MYT1L: variants seen among roughly 807,000 people sequenced by gnomAD.
MYT1L encodes the protein myelin transcription factor 1-like protein.
MYT1L carries 12 observed loss-of-function variants against 126.7 expected under a neutral mutation model. That is an observed-to-expected ratio of 0.09 (90% CI 0.06 to 0.15). The LOEUF is 0.15. Ranked by LOEUF, MYT1L falls within the 10% of genes least tolerant of loss-of-function variation. The probability of loss-of-function intolerance (pLI) is 1.00; values close to 1 mark genes in which losing one functional copy is unlikely to be tolerated. For missense variants in MYT1L, 979 were observed against 1,585.2 expected (o/e 0.62, Z 6.49); for synonymous variants, 541 against 604.2 (o/e 0.90, Z 1.53).
At chr2:2,052,217 C>T (rs1010787842) in intron 4 of MYT1L, among the ~76,000 whole-genome samples, 2 of 152,312 alleles carry the variant, frequency 1.3e-5, no homozygotes, top group East Asian at 1.9e-4. Flanking sequence ...TTTCAACACA[C>T]AGAGTATACC....
At chr2:1,873,697 T>G (rs2046528758) in intron 18 of MYT1L, among the ~76,000 whole-genome samples, 1 of 152,132 alleles carries the variant, frequency 6.6e-6, no homozygotes. Context: ...TGGGGAGCGC[T>G]CAGAGAGCTC....
chr2:2,192,202 A>G (rs1408002212), intron 2 of MYT1L, among the ~76,000 whole-genome samples: 1 of 152,232 alleles, frequency 6.6e-6, no homozygotes, highest in Admixed American at 6.5e-5. Flanking sequence ...ATACACTGTA[A>G]ATATAGTTCA....
intron 19 of MYT1L, among the ~76,000 whole-genome samples, chr2:1,843,549 G>A (rs1433846253): frequency 6.6e-6 from 1 of 151,492 alleles, no homozygotes; most frequent in Non-Finnish European, 1.5e-5. Context: ...GGAGAATTAC[G>A]GAGTCCTACC....
At chr2:2,046,727 G>C (rs559470045) in intron 4 of MYT1L, among the ~76,000 whole-genome samples, 1 of 152,274 alleles carries the variant, frequency 6.6e-6, no homozygotes, top group African/African-American at 2.4e-5. Context: ...ATGCTACTTT[G>C]CTCTCCTGTG....
chr2:2,155,841 G>A (rs1439299949), intron 3 of MYT1L, among the ~76,000 whole-genome samples: 4 of 152,104 alleles, frequency 2.6e-5, no homozygotes, highest in Non-Finnish European at 5.9e-5. Flanking sequence ...CTCCTGTCAT[G>A]AGAGTTGGTT....
In MYT1L at chr2:2,060,768, C is replaced by G. The variant is rs528182187; in HGVS notation, c.-303-6645G>C. Among the ~76,000 whole-genome samples the G allele has an allele frequency of 1.2e-4, 17 of 143,294 alleles. No individual in the cohort carries two copies. The South Asian group carries it at 4.0e-3, about 34-fold the overall frequency. 94.0% of individuals were successfully genotyped at this position (143,294 alleles called of 152,430 possible). On this transcript the variant is annotated intron_variant, in intron 3 of 24. Transcript: ENST00000647738. ...CCATCTTTGCCCACTTCCTCTCTCC[C>G]TCCCTCTCTATTCTTCCTTTCCTTT...
chr2:1,808,423 T>C (rs1229890798), intron 22 of MYT1L, among the ~76,000 whole-genome samples: 1 of 152,178 alleles, frequency 6.6e-6, no homozygotes, highest in East Asian at 1.9e-4. Context: ...ACTGAGATCA[T>C]TGCCTGCGTC....
intron 1 of MYT1L, among the ~76,000 whole-genome samples, chr2:2,285,341 T>G (rs755320788): frequency 6.6e-6 from 1 of 152,144 alleles, no homozygotes; most frequent in Non-Finnish European, 1.5e-5. Flanking sequence ...TAAGAGGTGT[T>G]TAAAAAACAG....
intron 3 of MYT1L, among the ~76,000 whole-genome samples, chr2:2,124,799 A>G (rs948403521): frequency 6.6e-6 from 1 of 152,162 alleles, no homozygotes; most frequent in South Asian, 2.1e-4. Context: ...TGTTTGAAGT[A>G]TGGCCAGACA....
At chr2:2,152,849 G>A (rs1277508152) in intron 3 of MYT1L, among the ~76,000 whole-genome samples, 2 of 152,180 alleles carry the variant, frequency 1.3e-5, no homozygotes, top group Admixed American at 1.3e-4. Context: ...CCATGCCAGG[G>A]ATGAGGGTGT....
chr2:2,135,418 A>G (rs1028778177), intron 3 of MYT1L, among the ~76,000 whole-genome samples: 2 of 151,922 alleles, frequency 1.3e-5, no homozygotes, highest in Admixed American at 1.3e-4. Context: ...AGTCCATTAA[A>G]CCTCTTTCCT....
intron 2 of MYT1L, among the ~76,000 whole-genome samples, chr2:2,233,366 G>A (rs1354970045): frequency 6.6e-6 from 1 of 152,176 alleles, no homozygotes; most frequent in Non-Finnish European, 1.5e-5. Flanking sequence ...TCTCATCTCA[G>A]TCCTGGAGAC....
chr2:2,056,892 T>C (rs1436274798), intron 3 of MYT1L, among the ~76,000 whole-genome samples: 1 of 152,232 alleles, frequency 6.6e-6, no homozygotes, highest in Non-Finnish European at 1.5e-5. Context: ...GAGTGGGTTT[T>C]TCTTTACGGC....
intron 21 of MYT1L, among the ~76,000 whole-genome samples, chr2:1,809,417 C>T (rs947854720): frequency 4.4e-5 from 5 of 113,052 alleles, no homozygotes; most frequent in Admixed American, 2.9e-4. Flanking sequence ...TGCCTCTTGG[C>T]GGGGGGTCTT....
chr2:2,095,379 ATTG>A (rs907793028), intron 3 of MYT1L, among the ~76,000 whole-genome samples: 4 of 152,344 alleles, frequency 2.6e-5, no homozygotes, highest in African/African-American at 9.6e-5. Context: ...CAGTATGGGC[ATTG>A]TTGTTACAAG....
chr2:2,229,674 C>T (rs1042235469), intron 2 of MYT1L, among the ~76,000 whole-genome samples: 1 of 151,988 alleles, frequency 6.6e-6, no homozygotes. Flanking sequence ...CTCCAGCGTG[C>T]ACCCACTATA....
chr2:2,148,485 C>T (rs2085230357), intron 3 of MYT1L, among the ~76,000 whole-genome samples: 1 of 152,180 alleles, frequency 6.6e-6, no homozygotes, highest in Non-Finnish European at 1.5e-5. Flanking sequence ...TCCTAACAGG[C>T]CACGGATAGG....
In MYT1L at chr2:1,912,329, G is replaced by C. The variant is rs2052141793; in HGVS notation, c.1619-219C>G. 6.6e-6 allele frequency among the ~76,000 whole-genome samples: 1 copy of C among 152,120 alleles called. No individual in the cohort carries two copies. Among genetic ancestry groups the C allele is most frequent in the Non-Finnish European group, 1.5e-5 (1 of 68,024 alleles). ...AAAGGCCAGAGAAAGAAGGTTGACTGGACCCTACAGACCCTACATGAAAGG... is the reference window on the plus strand; with the variant it reads ...AAAGGCCAGAGAAAGAAGGTTGACTCGACCCTACAGACCCTACATGAAAGG... On this transcript the variant is annotated intron_variant, in intron 11 of 24. Transcript: ENST00000647738. This position sits in a 1 kb window ranked among gnomAD's most constrained non-coding sequence, Gnocchi z 4.3.
At chr2:2,280,992 C>G (rs1559540102) in intron 2 of MYT1L, among the ~76,000 whole-genome samples, 1 of 152,200 alleles carries the variant, frequency 6.6e-6, no homozygotes, top group African/African-American at 2.4e-5. Context: ...CAAATGTACA[C>G]AACCGTGGTG....
Sources: allele counts gnomAD v4.1 joint callset (sites outside exome capture counted in the v4.1 genomes callset), GRCh38; gene constraint gnomAD v4.1.1; non-coding constraint Gnocchi (gnomAD v3.1); transcripts MANE v1.5; gene names NCBI Gene and HGNC (gene_info 2026-07-23, HGNC 2026-07-21).